Variants in SYNPR observed in about 807,000 individuals in gnomAD.
SYNPR encodes the protein synaptoporin.
SYNPR carries 23 observed loss-of-function variants against 32.9 expected under a neutral mutation model. The observed-to-expected ratio is 0.70, with a 90% CI of 0.50 to 0.99. The LOEUF (loss-of-function observed/expected upper bound fraction) is 0.99, where lower values mean the gene tolerates loss of function less well. Among genes scored for constraint, SYNPR ranks in the 50% least tolerant of loss-of-function variants. The pLI is 0.00. For synonymous variants in SYNPR, 146 were observed against 135.9 expected (o/e 1.07, Z -0.52); for missense variants, 318 against 349.3 (o/e 0.91, Z 0.71).
chr3:63,208,186 T>A, the SYNPR span, among the ~76,000 whole-genome samples: 2 of 152,180 alleles, frequency 1.3e-5, no homozygotes, highest in African/African-American at 4.8e-5. Flanking sequence ...ATGGTTGTGT[T>A]AATTAGCCTC....
chr3:63,261,108 A>C (rs1382713829), intron 2 of SYNPR, among the ~76,000 whole-genome samples: 2 of 152,100 alleles, frequency 1.3e-5, no homozygotes, highest in African/African-American at 4.8e-5. Flanking sequence ...ACACTTTTAC[A>C]CTGTTGGTGG....
chr3:63,589,151 G>A (rs933027559), intron 4 of SYNPR, among the ~76,000 whole-genome samples: 2 of 151,948 alleles, frequency 1.3e-5, no homozygotes, highest in African/African-American at 2.4e-5. Flanking sequence ...ATTATTCACC[G>A]TGAGTCCTGA....
Position 63,449,094 on chromosome 3 carries a change from G to A in SYNPR, c.85-31738G>A, listed in dbSNP as rs189220277. Among the ~76,000 whole-genome samples, 242 of 152,194 alleles carry A rather than the reference G, an allele frequency of 1.6e-3. 1 individual carries two copies. Among genetic ancestry groups the A allele is most frequent in the African/African-American group, 5.6e-3 (234 of 41,534 alleles). ...GATAGGCCATTCTCATTCTTGGACA[G>A]TATTGGGAGAGGAAAGAAGGGAAAA... On this transcript the variant is annotated intron_variant, in intron 2 of 5. Transcript: ENST00000478300.
At chr3:63,253,651 A>G (rs1326644023) in intron 2 of SYNPR, among the ~76,000 whole-genome samples, 5 of 152,200 alleles carry the variant, frequency 3.3e-5, no homozygotes, top group Non-Finnish European at 7.3e-5. Flanking sequence ...GGCGATCATT[A>G]AAAAGTCAGG....
intron 2 of SYNPR, among the ~76,000 whole-genome samples, chr3:63,304,278 G>T (rs2086885733): frequency 6.6e-6 from 1 of 151,810 alleles, no homozygotes; most frequent in South Asian, 2.1e-4. Context: ...ACTGATTCTA[G>T]TCCAGCTCCC....
chr3:63,244,100 C>A (rs1483585558), intron 1 of SYNPR, among the ~76,000 whole-genome samples: 2 of 151,966 alleles, frequency 1.3e-5, no homozygotes, highest in Admixed American at 6.6e-5. Flanking sequence ...GCAAAGAAGC[C>A]ACCACCAACC....
intron 4 of SYNPR, among the ~76,000 whole-genome samples, chr3:63,592,271 T>A (rs1010816241): frequency 5.3e-5 from 8 of 152,158 alleles, no homozygotes; most frequent in Non-Finnish European, 8.8e-5. Flanking sequence ...ACTTCTGGCC[T>A]CCAGAAGGGT....
At chr3:63,545,737 T>C (rs990460764) in intron 3 of SYNPR, among the ~76,000 whole-genome samples, 39 of 152,246 alleles carry the variant, frequency 2.6e-4, no homozygotes, top group African/African-American at 9.4e-4. Context: ...GATTAAATTA[T>C]GAAGAACCTT....
the SYNPR span, among the ~76,000 whole-genome samples, chr3:63,206,580 G>C: frequency 6.3e-3 from 953 of 152,118 alleles, 4 homozygotes; most frequent in Non-Finnish European, 0.011. Context: ...GAAAAGAAAA[G>C]AAAAATCACA....
intron 4 of SYNPR, among the ~76,000 whole-genome samples, chr3:63,579,815 AC>A (rs1703058526): frequency 6.6e-6 from 1 of 151,544 alleles, no homozygotes; most frequent in African/African-American, 2.4e-5. Context: ...ACACACACAC[AC>A]ACACACACGC....
At chr3:63,266,776 GT>G (rs1238007674) in intron 2 of SYNPR, among the ~76,000 whole-genome samples, 1 of 151,448 alleles carries the variant, frequency 6.6e-6, no homozygotes, top group Admixed American at 6.6e-5. Context: ...TGTCTCACTT[GT>G]CAACATGCTG....
At chr3:63,395,563 G>A (rs1346552190) in intron 2 of SYNPR, among the ~76,000 whole-genome samples, 1 of 152,130 alleles carries the variant, frequency 6.6e-6, no homozygotes, top group African/African-American at 2.4e-5. Context: ...TGGACATGAT[G>A]AGGTTCAGAG....
At chr3:63,282,119 G>A (rs1209560553) in intron 2 of SYNPR, among the ~76,000 whole-genome samples, 2 of 152,202 alleles carry the variant, frequency 1.3e-5, no homozygotes, top group African/African-American at 2.4e-5. Flanking sequence ...TACCAGCTAA[G>A]TCAGTAGATA....
chr3:63,427,983 T>C (rs1699922173), intron 2 of SYNPR, among the ~76,000 whole-genome samples: 1 of 152,374 alleles, frequency 6.6e-6, no homozygotes, highest in East Asian at 1.9e-4. Flanking sequence ...TAATTACCTC[T>C]AAGCACTAGT....
intron 2 of SYNPR, among the ~76,000 whole-genome samples, chr3:63,284,321 A>C (rs140878832): frequency 6.6e-6 from 1 of 152,366 alleles, no homozygotes; most frequent in Non-Finnish European, 1.5e-5. Flanking sequence ...TAAGGTCATC[A>C]AAAGAACTTA....
intron 1 of SYNPR, among the ~76,000 whole-genome samples, chr3:63,240,413 C>G (rs1197534852): frequency 1.3e-5 from 2 of 152,072 alleles, no homozygotes; most frequent in African/African-American, 2.4e-5. Context: ...ACAGCATTCC[C>G]TACACTCATG....
chr3:63,485,869 G>A (rs1429752570), intron 3 of SYNPR, among the ~76,000 whole-genome samples: 1 of 152,156 alleles, frequency 6.6e-6, no homozygotes, highest in Non-Finnish European at 1.5e-5. Flanking sequence ...AAAAAATAAA[G>A]TAGTTGCTAT....
intron 2 of SYNPR, among the ~76,000 whole-genome samples, chr3:63,464,392 C>G (rs936101427): frequency 2.6e-5 from 4 of 152,258 alleles, no homozygotes; most frequent in Middle Eastern, 3.4e-3. Context: ...GTAATTGCAT[C>G]CTGCATTCTT....
chr3:63,535,981 A>C (rs550521977), intron 3 of SYNPR, among the ~76,000 whole-genome samples: 36 of 152,208 alleles, frequency 2.4e-4, no homozygotes, highest in African/African-American at 7.9e-4. Context: ...AAAGGACTCT[A>C]TCAGCCAGGT....
Sources: gnomAD v4.1 joint callset for allele counts (sites outside exome capture counted in the v4.1 genomes callset) on GRCh38, gnomAD v4.1.1 for gene constraint, MANE v1.5 for transcripts, NCBI Gene and HGNC (gene_info 2026-07-23, HGNC 2026-07-21) for gene names.